Variants in CCBE1 observed in about 807,000 individuals in gnomAD.
CCBE1 encodes collagen and calcium-binding EGF domain-containing protein 1.
In CCBE1, 37 loss-of-function variants were observed where a neutral mutation model predicts 50.0. That is an observed-to-expected ratio of 0.74 (90% CI 0.57 to 0.97). CCBE1 has a LOEUF of 0.97. CCBE1 is among the 50% of genes least tolerant of loss of function. The pLI is 0.00. For missense variants in CCBE1, 538 were observed against 523.8 expected (o/e 1.03, Z -0.26); for synonymous variants, 234 against 203.7 (o/e 1.15, Z -1.27).
At chr18:59,602,967 A>T (rs1262694201) in intron 2 of CCBE1, among the ~76,000 whole-genome samples, 1 of 152,218 alleles carries the variant, frequency 6.6e-6, no homozygotes, top group African/African-American at 2.4e-5. Flanking sequence ...CTCGAATCAT[A>T]AAATGCAGTG....
chr18:59,445,121 T>G (rs375379943), intron 7 of CCBE1, among the ~76,000 whole-genome samples: 3 of 152,170 alleles, frequency 2.0e-5, no homozygotes, highest in African/African-American at 7.2e-5. Context: ...CCAAATCCAA[T>G]GTCATGAAGC....
intron 2 of CCBE1, among the ~76,000 whole-genome samples, chr18:59,562,878 G>A (rs757914890): frequency 7.4e-5 from 9 of 121,632 alleles, no homozygotes; most frequent in Admixed American, 8.5e-5. Flanking sequence ...TGGCCAGGCC[G>A]CCTTAGAGGT....
At chr18:59,441,483 CA>C (rs34080571) in intron 7 of CCBE1, among the ~76,000 whole-genome samples, 71,282 of 129,826 alleles carry the variant, frequency 0.55, 18,149 homozygotes, top group East Asian at 0.66. Flanking sequence ...GACTCCATCT[CA>C]AAAAAAAAAA....
intron 2 of CCBE1, among the ~76,000 whole-genome samples, chr18:59,520,636 GC>G (rs1914559375): frequency 6.6e-6 from 1 of 152,222 alleles, no homozygotes; most frequent in Admixed American, 6.5e-5. Context: ...ATGCCAATTA[GC>G]TGACAAAACC....
intron 2 of CCBE1, among the ~76,000 whole-genome samples, chr18:59,543,129 CA>C (rs35614790): frequency 0.022 from 3,342 of 152,210 alleles, 108 homozygotes; most frequent in African/African-American, 0.075. Context: ...ATATTTTACA[CA>C]AAAAGTTACC....
chr18:59,499,798 T>C lies in CCBE1; in HGVS notation c.213-19560A>G, dbSNP rs554389613. Among the ~76,000 whole-genome samples the C allele has an allele frequency of 3.3e-5, 5 of 152,296 alleles. No homozygotes were observed. The East Asian group carries it at 9.6e-4, about 29-fold the overall frequency. ...GGCCTGCTGGACCTCAGATACCACT[T>C]TGACAGTGGGCAGACTTTGAGATCT... On this transcript the variant is annotated intron_variant, in intron 2 of 10. Coordinates refer to ENST00000439986, the MANE Select transcript of CCBE1 (RefSeq NM_133459.4).
intron 2 of CCBE1, among the ~76,000 whole-genome samples, chr18:59,486,032 C>T (rs1180568329): frequency 6.6e-6 from 1 of 152,068 alleles, no homozygotes; most frequent in Non-Finnish European, 1.5e-5. Flanking sequence ...AATTTTGGCT[C>T]TGACATTTAC....
chr18:59,466,657 A>G (rs1309554903), intron 5 of CCBE1, 82 bp downstream of exon 5: 3 of 803,822 alleles, frequency 3.7e-6, no homozygotes, highest in Non-Finnish European at 5.5e-6. Flanking sequence ...ATATCTATAT[A>G]ATATATAAAC....
intron 2 of CCBE1, among the ~76,000 whole-genome samples, chr18:59,486,700 AAGTGG>A (rs762022649): frequency 2.5e-4 from 38 of 152,160 alleles, no homozygotes; most frequent in Non-Finnish European, 8.8e-5. Flanking sequence ...CTATTAAGGA[AAGTGG>A]AGACCAGGGT....
intron 2 of CCBE1, among the ~76,000 whole-genome samples, chr18:59,691,396 GATTT>G (rs151081524): frequency 2.0e-5 from 3 of 151,672 alleles, no homozygotes; most frequent in Admixed American, 1.3e-4. Context: ...TTCTTCACAA[GATTT>G]TTTGTTTGTT....
At chr18:59,676,835 T>C (rs779183087) in intron 2 of CCBE1, among the ~76,000 whole-genome samples, 1 of 152,096 alleles carries the variant, frequency 6.6e-6, no homozygotes, top group Non-Finnish European at 1.5e-5. Context: ...TTCAGAAGGA[T>C]TAGGAACCAG....
At chr18:59,488,750 A>G (rs1912946428) in intron 2 of CCBE1, among the ~76,000 whole-genome samples, 1 of 152,170 alleles carries the variant, frequency 6.6e-6, no homozygotes, top group African/African-American at 2.4e-5. Flanking sequence ...TAGTAACACT[A>G]TCCACTCCAC....
In CCBE1 at chr18:59,696,764, C is replaced by A; in HGVS notation, c.132-55G>T. ...TTCTCAGCGGGAGAGCGGAGGCGGG[C>A]AGCGCGCGCTGGGGAATCCCTGGCG... On this transcript the variant is annotated intron_variant, in intron 1 of 10. Transcript: ENST00000439986. The A allele has an allele frequency of 2.5e-6, 4 of 1,581,998 alleles. No homozygotes were observed. In the South Asian group the frequency reaches 4.4e-5, roughly 18 times the overall value.
chr18:59,622,507 GAA>G (rs34431958), intron 2 of CCBE1, among the ~76,000 whole-genome samples: 29 of 131,890 alleles, frequency 2.2e-4, no homozygotes, highest in South Asian at 1.5e-3. Flanking sequence ...TCATCTTAAA[GAA>G]AAAAAAAAAA....
At chr18:59,632,414 C>T (rs1027325263) in intron 2 of CCBE1, among the ~76,000 whole-genome samples, 2 of 152,054 alleles carry the variant, frequency 1.3e-5, no homozygotes, top group African/African-American at 4.8e-5. Flanking sequence ...GCTAGGATTA[C>T]AGGCATCCGC....
chr18:59,565,974 T>C (rs1034780163), intron 2 of CCBE1, among the ~76,000 whole-genome samples: 1 of 152,162 alleles, frequency 6.6e-6, no homozygotes, highest in African/African-American at 2.4e-5. Context: ...CCCGAGTCAC[T>C]ACCTCTGACC....
chr18:59,625,856 T>TG (rs1486467615), intron 2 of CCBE1, among the ~76,000 whole-genome samples: 1 of 152,148 alleles, frequency 6.6e-6, no homozygotes, highest in East Asian at 1.9e-4. Context: ...ATTAGTAACT[T>TG]GTAAAAGAGC....
At chr18:59,582,835 A>G (rs903740737) in intron 2 of CCBE1, among the ~76,000 whole-genome samples, 1 of 152,166 alleles carries the variant, frequency 6.6e-6, no homozygotes, top group Admixed American at 6.6e-5. Flanking sequence ...TTTCTTCCTT[A>G]AGGCAGGTTG....
intron 2 of CCBE1, among the ~76,000 whole-genome samples, chr18:59,611,305 C>T (rs1020229454): frequency 8.5e-5 from 13 of 152,214 alleles, no homozygotes; most frequent in African/African-American, 3.1e-4. Flanking sequence ...TCCTGGGATG[C>T]ATATGTGTAC....
Sources: allele counts gnomAD v4.1 joint callset (sites outside exome capture counted in the v4.1 genomes callset), GRCh38; gene constraint gnomAD v4.1.1; transcripts MANE v1.5; gene names NCBI Gene and HGNC (gene_info 2026-07-23, HGNC 2026-07-21).